The following CENPN variants were observed in gnomAD, a reference collection of about 807,000 sequenced individuals.
CENPN encodes interphase centromere complex protein 32.
A neutral mutation model predicts 48.6 loss-of-function variants in CENPN; 36 were observed. The observed-to-expected ratio is 0.74, with a 90% CI of 0.57 to 0.98. The LOEUF (loss-of-function observed/expected upper bound fraction) is 0.98, where lower values mean the gene tolerates loss of function less well. Among genes scored for constraint, CENPN ranks in the 50% least tolerant of loss-of-function variants. CENPN has a pLI of 0.00. For missense variants in CENPN, 439 were observed against 399.2 expected (o/e 1.10, Z -0.85); for synonymous variants, 166 against 135.2 (o/e 1.23, Z -1.58).
intron 5 of CENPN, among the ~76,000 whole-genome samples, chr16:81,018,189 T>G (rs1259351304): frequency 6.6e-6 from 1 of 152,068 alleles, no homozygotes; most frequent in Admixed American, 6.6e-5. Flanking sequence ...TTTTTTTTCT[T>G]TCCTTGAGAC....
At position 81,028,792 on chromosome 16, in the gene CENPN, A is replaced by C; in HGVS notation, c.*141A>C. The C allele has an allele frequency of 2.8e-6, 4 of 1,430,282 alleles. 1 individual carries two copies. The South Asian group carries it at 6.4e-5, about 23-fold the overall frequency. The allele number at this position is 1,430,282 out of a possible 1,614,324, so 88.6% of individuals were successfully genotyped here. On this transcript the variant is annotated 3_prime_UTR_variant, in exon 11 of 11. Transcript: ENST00000305850. ...ATTGAATTTTTAGAAATGCTCACAT[A>C]ATTGTTGGGACTGATTCATTCCTCC...
At chr16:81,012,818 C>G (rs574895593) in intron 2 of CENPN, among the ~76,000 whole-genome samples, 2 of 152,332 alleles carry the variant, frequency 1.3e-5, no homozygotes, top group East Asian at 3.9e-4. Context: ...TGGTGTCAAA[C>G]TCCTGACCTC....
At chr16:81,016,993 GT>G (rs1969958081) in intron 3 of CENPN, 1 of 265,506 alleles carries the variant, frequency 3.8e-6, no homozygotes, top group South Asian at 3.8e-5. Context: ...TGTGGGTCCT[GT>G]GGGGCACAGC....
chr16:81,026,085 GTGTGTATATATA>G (rs1192324252), intron 8 of CENPN, among the ~76,000 whole-genome samples: 2 of 147,256 alleles, frequency 1.4e-5, no homozygotes, highest in Non-Finnish European at 3.0e-5. Flanking sequence ...GTGTGTGTGT[GTGTGTATATATA>G]TGTGTGTGTA....
At chr16:81,014,005 T>G in intron 2 of CENPN, 131 bp from the exon 3 acceptor site, 1 of 581,340 alleles carries the variant, frequency 1.7e-6, no homozygotes, top group East Asian at 2.9e-5. Flanking sequence ...GAGAAGAGAT[T>G]GGAGATGGGT....
intron 3 of CENPN, 36 bp from the exon 4 acceptor site, chr16:81,017,289 TG>T (rs769290478): frequency 7.9e-6 from 11 of 1,391,848 alleles, no homozygotes; most frequent in African/African-American, 1.4e-5. Context: ...CAAAGTTCTA[TG>T]ATATGCTAGT....
At chr16:81,018,689 A>G (rs1367065563) in intron 5 of CENPN, among the ~76,000 whole-genome samples, 1 of 152,204 alleles carries the variant, frequency 6.6e-6, no homozygotes, top group Non-Finnish European at 1.5e-5. Flanking sequence ...TCCAAGCTCT[A>G]TGATGCTCAC....
At chr16:81,008,118 A>C (rs1483437262) in intron 1 of CENPN, among the ~76,000 whole-genome samples, 1 of 152,144 alleles carries the variant, frequency 6.6e-6, no homozygotes, top group Non-Finnish European at 1.5e-5. Flanking sequence ...GAAACAACAA[A>C]AAAAGGAAAG....
downstream of CENPN, chr16:81,032,889 G>C (rs1166802767): frequency 2.0e-6 from 1 of 507,028 alleles, no homozygotes; most frequent in Non-Finnish European, 3.4e-6. Context: ...TAACACTCTA[G>C]ACACAGGTGC....
intron 1 of CENPN, among the ~76,000 whole-genome samples, chr16:81,011,294 AG>A (rs1213200107): frequency 6.6e-6 from 1 of 152,126 alleles, no homozygotes; most frequent in Non-Finnish European, 1.5e-5. Flanking sequence ...CGCTCAACTC[AG>A]CCTGCCAAAA....
chr16:81,016,917 G>C (rs1209772733), intron 3 of CENPN: 1 of 214,372 alleles, frequency 4.7e-6, no homozygotes, highest in African/African-American at 2.4e-5. Context: ...AGCAGAATGA[G>C]GTGGGGAGTA....
intron 3 of CENPN, 45 bp from the exon 4 acceptor site, chr16:81,017,281 A>G (rs748673336): frequency 5.4e-6 from 7 of 1,300,720 alleles, no homozygotes; most frequent in Non-Finnish European, 7.8e-6. Context: ...TATTACTTCA[A>G]AGTTCTATGA....
intron 2 of CENPN, among the ~76,000 whole-genome samples, chr16:81,013,485 T>C (rs1013905151): frequency 4.6e-5 from 7 of 152,308 alleles, no homozygotes; most frequent in Non-Finnish European, 8.8e-5. Context: ...CCCAGCACTT[T>C]GGAAGGCCAA....
At chr16:81,027,987 G>A (rs1251405368) in intron 9 of CENPN, among the ~76,000 whole-genome samples, 184 bp from the exon 10 acceptor site, 1 of 152,222 alleles carries the variant, frequency 6.6e-6, no homozygotes, top group Non-Finnish European at 1.5e-5. Context: ...TTACAGGCAT[G>A]AGCCACTTTG....
chr16:81,010,776 C>A (rs1969705869), intron 1 of CENPN, among the ~76,000 whole-genome samples: 1 of 152,190 alleles, frequency 6.6e-6, no homozygotes, highest in Admixed American at 6.5e-5. Flanking sequence ...TGGTAAAAAC[C>A]TTGGTTTCAT....
intron 1 of CENPN, among the ~76,000 whole-genome samples, chr16:81,008,741 A>G (rs1969612436): frequency 6.6e-6 from 1 of 152,218 alleles, no homozygotes; most frequent in African/African-American, 2.4e-5. Context: ...TTCCACAAGT[A>G]TTTATCAAAG....
intron 9 of CENPN, among the ~76,000 whole-genome samples, chr16:81,027,734 T>C (rs1053842768): frequency 6.6e-6 from 1 of 152,222 alleles, no homozygotes; most frequent in African/African-American, 2.4e-5. Context: ...AGATGCAGTT[T>C]CACTCTGTTG....
At chr16:81,010,373 T>C (rs915324888) in intron 1 of CENPN, among the ~76,000 whole-genome samples, 1 of 152,182 alleles carries the variant, frequency 6.6e-6, no homozygotes, top group African/African-American at 2.4e-5. Context: ...GAATCTTCCT[T>C]CCTTATTCCT....
chr16:81,029,850 T>G lies in CENPN; in HGVS notation c.*1199T>G, dbSNP rs1970688017. ...TTAGCCTCCTAAAATGCTGGGATTATAGGAGTGTATTAGTCTATTCTCATG... is the reference window on the plus strand; with the variant it reads ...TTAGCCTCCTAAAATGCTGGGATTAGAGGAGTGTATTAGTCTATTCTCATG... On this transcript the variant is annotated 3_prime_UTR_variant, in exon 11 of 11. Coordinates refer to ENST00000305850, the MANE Select transcript of CENPN (RefSeq NM_001100624.3). Among the ~76,000 whole-genome samples the G allele has an allele frequency of 6.6e-6, 1 of 152,138 alleles. No individual in the cohort carries two copies. Among genetic ancestry groups the G allele is most frequent in the Non-Finnish European group, 1.5e-5 (1 of 68,010 alleles).
Sources: allele counts gnomAD v4.1 joint callset (sites outside exome capture counted in the v4.1 genomes callset), GRCh38; gene constraint gnomAD v4.1.1; transcripts MANE v1.5; gene names NCBI Gene and HGNC (gene_info 2026-07-23, HGNC 2026-07-21).